NAV2: variants seen among roughly 807,000 people sequenced by gnomAD.
NAV2 encodes the protein neuron navigator 2, also known as helicase, APC down-regulated 1.
NAV2 carries 54 observed loss-of-function variants against 223.2 expected under a neutral mutation model. The observed-to-expected ratio is 0.24, with a 90% confidence interval of 0.19 to 0.30. The LOEUF is 0.30. NAV2 is among the 10% of genes least tolerant of loss of function. The pLI, the probability that NAV2 is intolerant of heterozygous loss-of-function variation, is 1.00. For missense variants in NAV2, 2,806 were observed against 3,147.5 expected (o/e 0.89, Z 2.60); for synonymous variants, 1,279 against 1,239.3 (o/e 1.03, Z -0.67).
intron 1 of NAV2, among the ~76,000 whole-genome samples, chr11:19,659,904 T>A (rs2048230671): frequency 6.6e-6 from 1 of 152,164 alleles, no homozygotes; most frequent in African/African-American, 2.4e-5. Context: ...TTACTCTCTA[T>A]GGAGTGCTTA....
In NAV2 at chr11:20,068,665, C is replaced by T. The variant is rs562361747; in HGVS notation, c.4983+267C>T. Among the ~76,000 whole-genome samples the T allele has an allele frequency of 2.6e-5, 4 of 152,266 alleles. No homozygotes were observed. The South Asian group carries it at 8.3e-4, about 32-fold the overall frequency. ...TCTCAGTATTGGCCCACAGTCAATGCTTGCAATATGCGAAGTGCTTATTAA... is the reference window on the plus strand; with the variant it reads ...TCTCAGTATTGGCCCACAGTCAATGTTTGCAATATGCGAAGTGCTTATTAA... On this transcript the variant is annotated intron_variant, in intron 22 of 37. Transcript: ENST00000349880.
intron 1 of NAV2, among the ~76,000 whole-genome samples, chr11:19,568,014 G>A (rs1450045537): frequency 3.3e-5 from 5 of 152,198 alleles, no homozygotes; most frequent in Admixed American, 1.3e-4. Flanking sequence ...CTGAGGGCAG[G>A]TGCTTGTTCA....
intron 3 of NAV2, among the ~76,000 whole-genome samples, chr11:19,854,494 C>CA (rs1164674125): frequency 6.6e-6 from 1 of 152,102 alleles, no homozygotes. Context: ...ACGCAACAGG[C>CA]AAAAAATTGG....
chr11:19,924,973 T>C (rs2044607008), intron 6 of NAV2, among the ~76,000 whole-genome samples: 1 of 152,202 alleles, frequency 6.6e-6, no homozygotes, highest in African/African-American at 2.4e-5. Flanking sequence ...ATTTTTTAAA[T>C]AGTAGGCATT....
At chr11:19,802,121 G>A (rs2058305030) in intron 1 of NAV2, among the ~76,000 whole-genome samples, 2 of 152,154 alleles carry the variant, frequency 1.3e-5, no homozygotes, top group African/African-American at 4.8e-5. Flanking sequence ...GGGCTAGAAG[G>A]ATTAATCACT....
chr11:19,722,338 C>A (rs1806523258), intron 1 of NAV2, among the ~76,000 whole-genome samples: 1 of 152,144 alleles, frequency 6.6e-6, no homozygotes, highest in South Asian at 2.1e-4. Context: ...AAATTTAAAA[C>A]CTCTGACTGA....
chr11:19,807,395 T>A (rs1384116387), intron 1 of NAV2, among the ~76,000 whole-genome samples: 1 of 152,234 alleles, frequency 6.6e-6, no homozygotes, highest in Admixed American at 6.5e-5. Context: ...GCTGCCTTCT[T>A]GAGCTGGTTT....
chr11:19,556,405 C>T (rs980395637), intron 1 of NAV2, among the ~76,000 whole-genome samples: 10 of 152,148 alleles, frequency 6.6e-5, no homozygotes, highest in East Asian at 3.9e-4. Flanking sequence ...ACAATATGAA[C>T]GAAGTAAACA....
intron 1 of NAV2, among the ~76,000 whole-genome samples, chr11:19,649,647 A>C (rs1017756282): frequency 3.3e-5 from 5 of 152,168 alleles, no homozygotes; most frequent in Non-Finnish European, 7.3e-5. Context: ...ATCACCTCCC[A>C]AAGACCCCAG....
At chr11:19,369,121 A>G (rs1036348161) in intron 1 of NAV2, among the ~76,000 whole-genome samples, 1 of 152,242 alleles carries the variant, frequency 6.6e-6, no homozygotes, top group Non-Finnish European at 1.5e-5. Context: ...GTTGTAATAC[A>G]AAGGCAGTTA....
chr11:19,971,859 T>A (rs183995979), intron 10 of NAV2, among the ~76,000 whole-genome samples: 1 of 152,310 alleles, frequency 6.6e-6, no homozygotes, highest in East Asian at 1.9e-4. Context: ...CGTGCCACTA[T>A]GTCCAGCTAA....
chr11:20,051,416 G>T, intron 17 of NAV2, 83 bp downstream of exon 17: 1 of 1,348,214 alleles, frequency 7.4e-7, no homozygotes, highest in Non-Finnish European at 1.1e-6. Context: ...GCTGGTGGGG[G>T]TTTGGGCTGG....
At chr11:19,824,226 G>C (rs973811932) in intron 1 of NAV2, among the ~76,000 whole-genome samples, 2 of 152,210 alleles carry the variant, frequency 1.3e-5, no homozygotes, top group African/African-American at 4.8e-5. Context: ...CTGATGTTCA[G>C]AAGGGATATG....
chr11:19,428,089 A>G (rs182899616), intron 1 of NAV2, among the ~76,000 whole-genome samples: 2 of 152,130 alleles, frequency 1.3e-5, no homozygotes, highest in African/African-American at 4.8e-5. Flanking sequence ...GGATTCTCCA[A>G]TGATTTCTTC....
At chr11:20,019,649 G>A (rs1014004329) in intron 11 of NAV2, among the ~76,000 whole-genome samples, 1 of 152,038 alleles carries the variant, frequency 6.6e-6, no homozygotes, top group Non-Finnish European at 1.5e-5. Flanking sequence ...GGAGGCCCTG[G>A]AGTTCTGGAG....
intron 1 of NAV2, among the ~76,000 whole-genome samples, chr11:19,826,591 T>C (rs1271690505): frequency 6.6e-6 from 1 of 152,182 alleles, no homozygotes; most frequent in Non-Finnish European, 1.5e-5. Context: ...GCATGGCCCA[T>C]GAACACTGAC....
At chr11:19,636,341 C>T (rs1696895240) in intron 1 of NAV2, among the ~76,000 whole-genome samples, 1 of 152,138 alleles carries the variant, frequency 6.6e-6, no homozygotes, top group Non-Finnish European at 1.5e-5. Flanking sequence ...ATACTCAAAC[C>T]ACCTTCTGGA....
In NAV2 at chr11:19,927,960, C is replaced by A. The variant is rs181774618; in HGVS notation, c.932-5216C>A. 3.2e-3 allele frequency among the ~76,000 whole-genome samples: 492 copies of A among 152,292 alleles called. 1 individual carries two copies. The highest frequency in any genetic ancestry group is 0.011 in the African/African-American group (461 of 41,560). On this transcript the variant is annotated intron_variant, in intron 6 of 37. Coordinates refer to ENST00000349880, the MANE Select transcript of NAV2 (RefSeq NM_145117.5). Reference sequence around the variant, plus strand: ...ACAAGGCCTGATCATGTTTCCAGAACTGGCAAAATATCACATACTACACAA... The same window carrying A: ...ACAAGGCCTGATCATGTTTCCAGAAATGGCAAAATATCACATACTACACAA...
At chr11:19,775,170 G>A (rs1565293159) in intron 1 of NAV2, among the ~76,000 whole-genome samples, 12 of 152,102 alleles carry the variant, frequency 7.9e-5, no homozygotes, top group Admixed American at 7.9e-4. Flanking sequence ...ATTATTTTAG[G>A]ATTTGTTTTC....
Sources: gnomAD v4.1 joint callset for allele counts (sites outside exome capture counted in the v4.1 genomes callset) on GRCh38, gnomAD v4.1.1 for gene constraint, MANE v1.5 for transcripts, NCBI Gene and HGNC (gene_info 2026-07-23, HGNC 2026-07-21) for gene names.